The following OSTC variants were observed in gnomAD, a reference collection of about 807,000 sequenced individuals.
OSTC encodes the protein oligosaccharyltransferase complex non-catalytic subunit.
OSTC carries 16 observed loss-of-function variants against 16.4 expected under a neutral mutation model. The ratio of observed to expected loss-of-function variants is 0.98; its 90% CI spans 0.66 to 1.49. OSTC has a LOEUF of 1.49. OSTC is among the 40% of genes most tolerant of loss of function. The pLI is 0.00. For synonymous variants in OSTC, 67 were observed against 68.5 expected (o/e 0.98, Z 0.11); for missense variants, 139 against 186.3 (o/e 0.75, Z 1.48).
At chr4:108,653,273 G>C (rs911994697) in intron 1 of OSTC, among the ~76,000 whole-genome samples, 1 of 152,174 alleles carries the variant, frequency 6.6e-6, no homozygotes, top group Non-Finnish European at 1.5e-5. Flanking sequence ...TACAGTGAAA[G>C]AAAAGAACAA....
chr4:108,655,621 A>G lies in OSTC; in HGVS notation c.197A>G (p.His66Arg), dbSNP rs761044487. ...AGTGTCGGTTCTATGACTGATGAAC[A>G]TGGGCATCAGAGGCCAGTAGCTTTC... Reference protein sequence around the residue: ...PPSVGSMTDEHGHQRPVAFLA... With the variant: ...PPSVGSMTDERGHQRPVAFLA... Residue 66 changes from histidine (H) to arginine (R), a missense_variant, in exon 2 of 4, where the codon CAT (histidine) becomes CGT (arginine). Physicochemically the swap from His to Arg is conservative, Grantham distance 29. Coordinates refer to ENST00000361564, the MANE Select transcript of OSTC (RefSeq NM_021227.4). 2 of 1,610,378 alleles carry G rather than the reference A, an allele frequency of 1.2e-6. No individual in the cohort carries two copies. Among genetic ancestry groups the G allele is most frequent in the Non-Finnish European group, 1.7e-6 (2 of 1,176,788 alleles).
chr4:108,655,818 CAA>C (rs1338993428), intron 2 of OSTC, among the ~76,000 whole-genome samples, 161 bp downstream of exon 2: 1 of 152,102 alleles, frequency 6.6e-6, no homozygotes, highest in Non-Finnish European at 1.5e-5. Context: ...GAGTCAAAAA[CAA>C]GAGTATATTA....
chr4:108,660,243 T>C (rs1726821668), intron 3 of OSTC, among the ~76,000 whole-genome samples: 1 of 152,180 alleles, frequency 6.6e-6, no homozygotes, highest in Non-Finnish European at 1.5e-5. Flanking sequence ...AGGACAGTGG[T>C]CCAAACAGAA....
At chr4:108,652,758 G>A (rs1726589562) in intron 1 of OSTC, among the ~76,000 whole-genome samples, 1 of 152,158 alleles carries the variant, frequency 6.6e-6, no homozygotes, top group African/African-American at 2.4e-5. Context: ...ACAAAAACAG[G>A]CCAGGCGCAG....
intron 3 of OSTC, among the ~76,000 whole-genome samples, chr4:108,664,676 C>T (rs1726948117): frequency 5.3e-5 from 8 of 151,530 alleles, no homozygotes; most frequent in Admixed American, 5.3e-4. Flanking sequence ...TCACTGCAAT[C>T]TCCGCCTCCC....
intron 3 of OSTC, among the ~76,000 whole-genome samples, chr4:108,660,498 G>C (rs936184094): frequency 1.3e-5 from 2 of 152,136 alleles, no homozygotes; most frequent in African/African-American, 4.8e-5. Flanking sequence ...CACACAACAG[G>C]GTTGTAGTTA....
intron 1 of OSTC, 91 bp from the exon 2 acceptor site, chr4:108,655,473 A>AAAAAT: frequency 2.3e-6 from 2 of 879,066 alleles, no homozygotes; most frequent in Non-Finnish European, 1.7e-6. Flanking sequence ...TCTCAAAAAA[A>AAAAAT]GTAAATGAAC....
intron 3 of OSTC, among the ~76,000 whole-genome samples, chr4:108,661,628 T>C (rs1726859721): frequency 6.6e-6 from 1 of 152,194 alleles, no homozygotes; most frequent in African/African-American, 2.4e-5. Flanking sequence ...GAGACAGTCT[T>C]GCTTTATCAC....
rs1726610209 is a variant in OSTC, at chr4:108,653,453, T to C, written c.140-2111T>C. Among the ~76,000 whole-genome samples the C allele has an allele frequency of 2.0e-5, 3 of 152,186 alleles. No individual in the cohort carries two copies. In the South Asian group the frequency reaches 6.2e-4, roughly 32 times the overall value. On this transcript the variant is annotated intron_variant, in intron 1 of 3. Transcript: ENST00000361564. ...GACCAAAAGACCAATTAGGTGGCCT[T>C]TGTAGTTGACTTAGACTATACAAGG...
intron 2 of OSTC, 117 bp downstream of exon 2, chr4:108,655,774 T>C (rs1726684249): frequency 7.4e-6 from 5 of 678,786 alleles, no homozygotes; most frequent in Middle Eastern, 5.2e-4. Context: ...ACAACAGCTG[T>C]TTTAAAATGC....
intron 3 of OSTC, among the ~76,000 whole-genome samples, chr4:108,665,256 G>T (rs1257136625): frequency 1.3e-5 from 2 of 152,282 alleles, no homozygotes; most frequent in South Asian, 2.1e-4. Context: ...TTTGTGAAGT[G>T]CATGTAACTA....
In OSTC at chr4:108,657,712, A is replaced by G. The variant is rs1726746755; in HGVS notation, c.431+65A>G. The G allele has an allele frequency of 2.9e-6, 4 of 1,380,890 alleles. No homozygotes were observed. The Admixed American group carries it at 6.1e-5, about 21-fold the overall frequency. The allele number at this position is 1,380,890 out of a possible 1,614,324, so 85.5% of individuals were successfully genotyped here. A position where few individuals can be genotyped will look rare whatever the true frequency, so the allele number is the denominator to read the frequency against. ...GGTAAAATGATTACCTGGAAAATGT[A>G]AAGTCATAGGACATTTAATTTAACT... On this transcript the variant is annotated intron_variant, in intron 3 of 3. Transcript: ENST00000361564.
intron 3 of OSTC, among the ~76,000 whole-genome samples, chr4:108,658,810 C>T (rs190607748): frequency 6.4e-4 from 98 of 152,084 alleles, no homozygotes; most frequent in African/African-American, 2.1e-3. Context: ...TGTCCATTGT[C>T]TGTAACACAC....
chr4:108,658,132 A>G (rs1205073054), intron 3 of OSTC, among the ~76,000 whole-genome samples: 2 of 151,740 alleles, frequency 1.3e-5, no homozygotes, highest in East Asian at 1.9e-4. Flanking sequence ...GGGTTTCACA[A>G]TGTTGACCAG....
At chr4:108,663,736 A>C (rs1049885778) in intron 3 of OSTC, among the ~76,000 whole-genome samples, 1 of 152,250 alleles carries the variant, frequency 6.6e-6, no homozygotes, top group African/African-American at 2.4e-5. Flanking sequence ...GGTTAAATGC[A>C]ATAATGAATG....
intron 1 of OSTC, among the ~76,000 whole-genome samples, chr4:108,654,435 TC>T (rs1245141963): frequency 6.6e-6 from 1 of 151,988 alleles, no homozygotes; most frequent in Admixed American, 6.6e-5. Context: ...AGGAATAAAG[TC>T]CCTGAGAGTC....
chr4:108,654,138 G>A (rs1275185935), intron 1 of OSTC, among the ~76,000 whole-genome samples: 2 of 152,192 alleles, frequency 1.3e-5, no homozygotes, highest in African/African-American at 4.8e-5. Context: ...AGTCCCCTAA[G>A]ATGAGAACTG....
Position 108,667,517 on chromosome 4 carries a change from T to A in OSTC, c.*252T>A, listed in dbSNP as rs1727040836. ...ATACCAATGATGTTGAGTGGCATTT[T>A]CTTTTTAGTTTTTCATTAAAATATA... On this transcript the variant is annotated 3_prime_UTR_variant, in exon 4 of 4. Coordinates refer to ENST00000361564, the MANE Select transcript of OSTC (RefSeq NM_021227.4). 8.3e-6 allele frequency: 3 copies of A among 360,132 alleles called. No individual in the cohort carries two copies. Among genetic ancestry groups the A allele is most frequent in the Non-Finnish European group, 1.5e-5 (3 of 201,192 alleles). 22.3% of individuals were successfully genotyped at this position (360,132 alleles called of 1,614,324 possible).
chr4:108,658,089 A>C (rs1327247071), intron 3 of OSTC, among the ~76,000 whole-genome samples: 1 of 151,656 alleles, frequency 6.6e-6, no homozygotes, highest in African/African-American at 2.4e-5. Context: ...GCACCACAGC[A>C]CTCAGCTATT....
Sources: allele counts gnomAD v4.1 joint callset (sites outside exome capture counted in the v4.1 genomes callset), GRCh38; gene constraint gnomAD v4.1.1; transcripts MANE v1.5; gene names NCBI Gene and HGNC (gene_info 2026-07-23, HGNC 2026-07-21).